SLC35B3: variants seen among roughly 807,000 people sequenced by gnomAD.
SLC35B3 encodes the protein solute carrier family 35 member B3, also known as adenosine 3'-phospho 5'-phosphosulfate transporter 2.
In SLC35B3, 35 loss-of-function variants were observed where a neutral mutation model predicts 44.1. The ratio of observed to expected loss-of-function variants is 0.79; its 90% CI spans 0.61 to 1.05. SLC35B3 has a LOEUF of 1.05. SLC35B3 is among the 50% of genes least tolerant of loss of function. SLC35B3 has a pLI of 0.00. For synonymous variants in SLC35B3, 146 were observed against 167.3 expected (o/e 0.87, Z 0.98); for missense variants, 414 against 476.4 (o/e 0.87, Z 1.22).
intron 2 of SLC35B3, among the ~76,000 whole-genome samples, chr6:8,431,981 C>A (rs1428564770): frequency 3.9e-5 from 6 of 152,140 alleles, no homozygotes; most frequent in Non-Finnish European, 8.8e-5. Context: ...CTGAGGTCTT[C>A]TTTCTCAAGG....
Position 8,413,443 on chromosome 6 carries a change from G to C in SLC35B3, c.*106C>G, listed in dbSNP as rs559359155. Reference sequence around the variant, plus strand: ...TTCATATGAAATCTGTCCACAAATGGGATAGCAATGCCTCCAGATCCTTTG... The same window carrying C: ...TTCATATGAAATCTGTCCACAAATGCGATAGCAATGCCTCCAGATCCTTTG... On this transcript the variant is annotated 3_prime_UTR_variant, in exon 11 of 11. Coordinates refer to ENST00000644923, the MANE Select transcript of SLC35B3 (RefSeq NM_001370476.2). The C allele has an allele frequency of 6.4e-5, 60 of 932,206 alleles. No homozygotes were observed. The African/African-American group carries it at 7.9e-4, about 12-fold the overall frequency. 57.7% of individuals were successfully genotyped at this position (932,206 alleles called of 1,614,324 possible). A position where few individuals can be genotyped will look rare whatever the true frequency, so the allele number is the denominator to read the frequency against.
At position 8,434,928 on chromosome 6, in the gene SLC35B3, G is replaced by T; in HGVS notation, c.-44+415C>A. On this transcript the variant is annotated intron_variant, in intron 1 of 10. Coordinates refer to ENST00000644923, the MANE Select transcript of SLC35B3 (RefSeq NM_001370476.2). This position sits in a 1 kb window ranked among gnomAD's most constrained non-coding sequence, Gnocchi z 6.3. ...AATCACATTCTACTGCAAGCCAAAT[G>T]GAGAAAAGAGTACCTTGGAGTGCCC... 3.2e-6 allele frequency: 1 copy of T among 316,438 alleles called. No individual in the cohort carries two copies. The highest frequency in any genetic ancestry group is 5.3e-6 in the Non-Finnish European group (1 of 188,918). 19.6% of individuals were successfully genotyped at this position (316,438 alleles called of 1,614,324 possible).
At chr6:8,415,784 A>G (rs761096250) in intron 9 of SLC35B3, among the ~76,000 whole-genome samples, 30 of 152,090 alleles carry the variant, frequency 2.0e-4, no homozygotes, top group Non-Finnish European at 3.8e-4. Context: ...TGAGTTGGGT[A>G]TATGTTCCCT....
At position 8,419,665 on chromosome 6, in the gene SLC35B3, A is replaced by ATCC. The variant is rs1762720409; in HGVS notation, c.694_695insGGA (p.Leu231_Ile232insArg). 1 of 1,527,032 alleles carries ATCC rather than the reference A, an allele frequency of 6.5e-7. No individual in the cohort carries two copies. The highest frequency in any genetic ancestry group is 8.9e-7 in the Non-Finnish European group (1 of 1,127,526). 94.6% of individuals were successfully genotyped at this position (1,527,032 alleles called of 1,614,324 possible). On this transcript the variant is annotated inframe_insertion, in exon 7 of 11. Coordinates refer to ENST00000644923, the MANE Select transcript of SLC35B3 (RefSeq NM_001370476.2). The surrounding 1 kb of genome is among the most constrained non-coding windows in gnomAD (Gnocchi z 4.3). ...GGCATCTGCACATAGTGCCAGGGAA[A>ATCC]TAAGCACCACACCTTCAAGAAGGTA...
intron 4 of SLC35B3, among the ~76,000 whole-genome samples, chr6:8,427,673 T>C (rs1270400399): frequency 6.6e-6 from 1 of 152,230 alleles, no homozygotes; most frequent in Non-Finnish European, 1.5e-5. Flanking sequence ...AGTATGTACA[T>C]TGTGTTTTTT....
chr6:8,420,851 C>T lies in SLC35B3; in HGVS notation c.575-23G>A. 1 of 1,560,444 alleles carries T rather than the reference C, an allele frequency of 6.4e-7. No individual in the cohort carries two copies. Among genetic ancestry groups the T allele is most frequent in the Non-Finnish European group, 8.8e-7 (1 of 1,139,322 alleles). Reference sequence around the variant, plus strand: ...TTCCTGTATAAAACAAACGTAAGTCCACTTCATTATGCAAATACCCACCCA... The same window carrying T: ...TTCCTGTATAAAACAAACGTAAGTCTACTTCATTATGCAAATACCCACCCA... On this transcript the variant is annotated intron_variant, in intron 5 of 10. Transcript: ENST00000644923. This position sits in a 1 kb window ranked among gnomAD's most constrained non-coding sequence, Gnocchi z 4.4.
chr6:8,429,676 C>G (rs1398186213), intron 3 of SLC35B3, 188 bp downstream of exon 2: 1 of 447,008 alleles, frequency 2.2e-6, no homozygotes, highest in African/African-American at 2.2e-5. Flanking sequence ...GCCTCCTCCC[C>G]ACTTAAATTA....
chr6:8,414,866 A>G (rs1348083695), intron 10 of SLC35B3, 42 bp downstream of exon 9: 4 of 1,148,264 alleles, frequency 3.5e-6, no homozygotes, highest in Admixed American at 1.8e-5. Context: ...GAAACACAGT[A>G]TCTAAAAACT....
chr6:8,433,996 CT>C lies in SLC35B3; in HGVS notation c.3+388del, dbSNP rs1276919593. Among the ~76,000 whole-genome samples the C allele has an allele frequency of 6.6e-5, 10 of 150,588 alleles. No homozygotes were observed. The highest frequency in any genetic ancestry group is 2.4e-4 in the African/African-American group (10 of 40,828). ...TTCAGACTAAATGATCAACATTGTG[CT>C]TTGCTTTTGAAGCTCACAGTAATCA... On this transcript the variant is annotated intron_variant, in intron 2 of 10. Transcript: ENST00000644923. This position sits in a 1 kb window ranked among gnomAD's most constrained non-coding sequence, Gnocchi z 4.1.
rs1052656028 is a variant in SLC35B3, at chr6:8,433,609, T to C, written c.3+776A>G. ...CCATATGTGCAGAATGAAATCTCTC[T>C]AGCACTGTCTTTTCTACATGTATGC... is the stretch of plus-strand genomic sequence containing the variant. On this transcript the variant is annotated intron_variant, in intron 2 of 10. Transcript: ENST00000644923. The surrounding 1 kb of genome is among the most constrained non-coding windows in gnomAD (Gnocchi z 4.1). Among the ~76,000 whole-genome samples, 8 of 152,218 alleles carry C rather than the reference T, an allele frequency of 5.3e-5. No individual in the cohort carries two copies. Among genetic ancestry groups the C allele is most frequent in the African/African-American group, 1.7e-4 (7 of 41,462 alleles).
At position 8,433,218 on chromosome 6, in the gene SLC35B3, C is replaced by T. The variant is rs1177681094; in HGVS notation, c.3+1167G>A. Among the ~76,000 whole-genome samples, 2 of 152,174 alleles carry T rather than the reference C, an allele frequency of 1.3e-5. No individual in the cohort carries two copies. Among genetic ancestry groups the T allele is most frequent in the African/African-American group, 4.8e-5 (2 of 41,442 alleles). ...CTGTTTATAATCAATTCTTCCCTTT[C>T]TGACCCATCTGTCACATGGCTCAAC... On this transcript the variant is annotated intron_variant, in intron 2 of 10. Coordinates refer to ENST00000644923, the MANE Select transcript of SLC35B3 (RefSeq NM_001370476.2). The surrounding 1 kb of genome is among the most constrained non-coding windows in gnomAD (Gnocchi z 4.1).
intron 10 of SLC35B3, 82 bp from the exon 10 acceptor site, chr6:8,413,781 C>T (rs1433468967): frequency 2.5e-6 from 2 of 814,994 alleles, no homozygotes; most frequent in African/African-American, 1.8e-5. Context: ...TTAATATGTC[C>T]ATAATAATTC....
intron 4 of SLC35B3, among the ~76,000 whole-genome samples, chr6:8,423,019 G>A (rs1312954440): frequency 1.3e-5 from 2 of 151,666 alleles, no homozygotes; most frequent in Non-Finnish European, 1.5e-5. Flanking sequence ...ATAAGGTCTC[G>A]CTCTGTTGCC....
rs1033114858 is a variant in SLC35B3, at chr6:8,430,011, G to A, written c.150C>T (p.Ser50=). ...TGTGTGGTGACATTGTTTGGGTTTT[G>A]GATGGCACAGTGATAGAAATATATT... Residue 50 remains serine (S), a synonymous_variant, in exon 3 of 11, where the codon TCC becomes TCT. Transcript: ENST00000644923. 1 of 1,613,956 alleles carries A rather than the reference G, an allele frequency of 6.2e-7. No individual in the cohort carries two copies. Among genetic ancestry groups the A allele is most frequent in the Admixed American group, 1.7e-5 (1 of 59,988 alleles).
chr6:8,422,404 C>T, intron 5 of SLC35B3, 66 bp downstream of exon 4: 5 of 1,185,804 alleles, frequency 4.2e-6, no homozygotes, highest in Admixed American at 2.2e-5. Context: ...AATGTTTTTC[C>T]TAATGCTAGA....
intron 9 of SLC35B3, among the ~76,000 whole-genome samples, chr6:8,415,396 T>C (rs1015451692): frequency 6.6e-6 from 1 of 152,154 alleles, no homozygotes; most frequent in African/African-American, 2.4e-5. Flanking sequence ...GATAAGACTA[T>C]AAGTAACCAT....
At chr6:8,426,354 G>T (rs12192629) in intron 4 of SLC35B3, among the ~76,000 whole-genome samples, 47,785 of 151,984 alleles carry the variant, frequency 0.31, 8,976 homozygotes, top group African/African-American at 0.53. Flanking sequence ...ATGGTTTGGC[G>T]CTGTGTCACC....
chr6:8,414,200 C>T (rs923350300), intron 10 of SLC35B3, among the ~76,000 whole-genome samples: 18 of 151,960 alleles, frequency 1.2e-4, no homozygotes, highest in Non-Finnish European at 2.1e-4. Context: ...CTAGTACATA[C>T]AGAAAGAAAA....
chr6:8,435,302 C>G lies in SLC35B3; in HGVS notation c.-44+41G>C, dbSNP rs1487202638. 10 of 1,289,354 alleles carry G rather than the reference C, an allele frequency of 7.8e-6. No individual in the cohort carries two copies. The highest frequency in any genetic ancestry group is 1.0e-5 in the Non-Finnish European group (10 of 988,854). The allele number at this position is 1,289,354 out of a possible 1,614,324, so 79.9% of individuals were successfully genotyped here. On this transcript the variant is annotated intron_variant, in intron 1 of 10. Coordinates refer to ENST00000644923, the MANE Select transcript of SLC35B3 (RefSeq NM_001370476.2). The surrounding 1 kb of genome is among the most constrained non-coding windows in gnomAD (Gnocchi z 5.5). The stretch of plus-strand genomic sequence containing the variant: ...CAAGGTTTTCTGGAGGAGAGGAGAT[C>G]TGGGTCCCAAACACAGGAAAGGCCC...
Sources: gnomAD v4.1 joint callset for allele counts (sites outside exome capture counted in the v4.1 genomes callset) on GRCh38, gnomAD v4.1.1 for gene constraint, Gnocchi (gnomAD v3.1) non-coding constraint, MANE v1.5 for transcripts, NCBI Gene and HGNC (gene_info 2026-07-23, HGNC 2026-07-21) for gene names.